The following WNK1 variants were observed in gnomAD, a reference collection of about 807,000 sequenced individuals.
WNK1 encodes the protein WNK lysine deficient protein kinase 1, also known as serine/threonine-protein kinase WNK1.
In WNK1, 38 loss-of-function variants were observed where a neutral mutation model predicts 222.8. The ratio of observed to expected loss-of-function variants is 0.17; its 90% CI spans 0.13 to 0.22. The LOEUF (loss-of-function observed/expected upper bound fraction) is 0.22. Among genes scored for constraint, WNK1 ranks in the 10% least tolerant of loss-of-function variants. The probability of loss-of-function intolerance (pLI) is 1.00; values close to 1 mark genes in which losing one functional copy is unlikely to be tolerated. For missense variants in WNK1, 2,348 were observed against 2,918.4 expected, an observed-to-expected ratio of 0.80 and a Z score of 4.50; for synonymous variants, 1,090 against 1,092.9, an observed-to-expected ratio of 1.00 and a Z score of 0.05.
Position 844,463 on chromosome 12 carries a change from C to T in WNK1, c.1312-12698C>T, listed in dbSNP as rs115408791. Among the ~76,000 whole-genome samples the T allele has an allele frequency of 3.3e-3, 505 of 152,168 alleles. 3 individuals are homozygous for T. Among genetic ancestry groups the T allele is most frequent in the African/African-American group, 0.011 (471 of 41,518 alleles). ...GTTGTTGCTTTTTAAAAAGGAAAAC[C>T]GGTAAATCAAGCTGTAGAAAATGTG... On this transcript the variant is annotated intron_variant, in intron 4 of 27. Coordinates refer to ENST00000315939, the MANE Select transcript of WNK1 (RefSeq NM_018979.4).
intron 4 of WNK1, among the ~76,000 whole-genome samples, chr12:837,863 C>A (rs997469082): frequency 1.3e-5 from 2 of 152,294 alleles, no homozygotes; most frequent in East Asian, 1.9e-4. Flanking sequence ...GTAGCAATCA[C>A]TTTTCTATAC....
chr12:893,847 T>TAATAATAATAA (rs1555156464), intron 22 of WNK1, among the ~76,000 whole-genome samples: 2 of 150,054 alleles, frequency 1.3e-5, no homozygotes, highest in Admixed American at 6.7e-5. Flanking sequence ...ATAATAATAA[T>TAATAATAATAA]TCTGAGAACT....
chr12:857,970 A>C (rs979074297), intron 5 of WNK1, among the ~76,000 whole-genome samples: 17 of 152,254 alleles, frequency 1.1e-4, no homozygotes, highest in African/African-American at 3.9e-4. Context: ...TACCACTTGA[A>C]GAATGAGAGC....
rs758110645 is a variant in WNK1, at chr12:865,320, C to T, written c.2139+3050C>T. The T allele has an allele frequency of 7.2e-5, 110 of 1,536,100 alleles. No homozygotes were observed. Among genetic ancestry groups the T allele is most frequent in the Middle Eastern group, 1.7e-4 (1 of 5,990 alleles). On this transcript the variant is annotated intron_variant, in intron 8 of 27. Transcript: ENST00000315939. ...CCTGCCTATGCACTCTGCCTCTCAG[C>T]GCAAGCACCGACGCTCCAGCCTGCC...
At chr12:888,606 G>A (rs1953900569) in intron 20 of WNK1, among the ~76,000 whole-genome samples, 1 of 152,198 alleles carries the variant, frequency 6.6e-6, no homozygotes, top group Non-Finnish European at 1.5e-5. Flanking sequence ...TGGTTAACAG[G>A]ATGGAATACC....
intron 10 of WNK1, 104 bp from the exon 11 acceptor site, chr12:879,469 C>CTTTTTTTT: frequency 5.3e-6 from 3 of 564,210 alleles, no homozygotes; most frequent in Non-Finnish European, 2.6e-6. Flanking sequence ...TTTGTTTTTT[C>CTTTTTTTT]CTTCTTTTTG....
rs1948434966 is a variant in WNK1 at position 827,412 on chromosome 12, G to A, written c.1153+150G>A. On this transcript the variant is annotated intron_variant, in intron 3 of 27. Transcript: ENST00000315939. The surrounding 1 kb of genome is among the most constrained non-coding windows in gnomAD (Gnocchi z 4.6). ...TGATCCATTGTACTTATGAGATATA[G>A]GATTCTCTATATTTGTGCTTCTTGG... is the stretch of plus-strand genomic sequence containing the variant. The A allele has an allele frequency of 1.5e-6, 1 of 687,746 alleles. No homozygotes were observed. The highest frequency in any genetic ancestry group is 2.6e-6 in the Non-Finnish European group (1 of 387,184). The allele number at this position is 687,746 out of a possible 1,614,324, so 42.6% of individuals were successfully genotyped here. A position where few individuals can be genotyped will look rare whatever the true frequency, so the allele number is the denominator to read the frequency against.
Position 893,261 on chromosome 12 carries a change from A to G in WNK1, c.5510-1301A>G, listed in dbSNP as rs528295519. On this transcript the variant is annotated intron_variant, in intron 22 of 27. Coordinates refer to ENST00000315939, the MANE Select transcript of WNK1 (RefSeq NM_018979.4). Reference sequence around the variant, plus strand: ...GACAGAGTGAGACCCTGTCTCAGGGAAAAAAGAAAAGAAATTCTGAATAAT... The same window carrying G: ...GACAGAGTGAGACCCTGTCTCAGGGGAAAAAGAAAAGAAATTCTGAATAAT... Among the ~76,000 whole-genome samples the G allele has an allele frequency of 1.4e-4, 21 of 152,248 alleles. No homozygotes were observed. The South Asian group carries it at 4.4e-3, about 32-fold the overall frequency.
At chr12:776,684 C>T (rs1943142779) in intron 1 of WNK1, among the ~76,000 whole-genome samples, 1 of 152,010 alleles carries the variant, frequency 6.6e-6, no homozygotes, top group Admixed American at 6.6e-5. Flanking sequence ...CCCGCCTTGG[C>T]CTCCCAAAGC....
At position 887,292 on chromosome 12, in the gene WNK1, T is replaced by C; in HGVS notation, c.5352T>C (p.Pro1784=). ...AGCAGCTGCCACCTTTTCCAGGACC[T>C]TCTCTAACCCAGGTGCCTCAAGACT... is the stretch of plus-strand genomic sequence containing the variant. ...PSEQLPPFPG[P]SLTQSQQPLE... Residue 1784 remains proline, a synonymous_variant, in exon 20 of 28, where the codon CCT becomes CCC. Coordinates refer to ENST00000315939, the MANE Select transcript of WNK1 (RefSeq NM_018979.4). 1 of 1,614,216 alleles carries C rather than the reference T, an allele frequency of 6.2e-7. No individual in the cohort carries two copies. The highest frequency in any genetic ancestry group is 8.5e-7 in the Non-Finnish European group (1 of 1,180,016).
At chr12:792,308 C>CTT (rs35838951) in intron 1 of WNK1, among the ~76,000 whole-genome samples, 366 of 89,012 alleles carry the variant, frequency 4.1e-3, no homozygotes, top group Middle Eastern at 7.0e-3. Flanking sequence ...TACTGTTATT[C>CTT]TTTTTTTTTT....
chr12:772,405 GT>G (rs1942621413), intron 1 of WNK1, among the ~76,000 whole-genome samples: 2 of 68,668 alleles, frequency 2.9e-5, no homozygotes, highest in African/African-American at 9.0e-5. Flanking sequence ...CATAATTGGG[GT>G]GTGTGTGTGT....
At chr12:904,324 C>G in intron 26 of WNK1, 2 of 573,076 alleles carry the variant, frequency 3.5e-6, no homozygotes, top group South Asian at 3.1e-5. Context: ...CAAGGGCTAC[C>G]AGGTCCTACC....
rs34032084 is a variant in WNK1 at position 883,063 on chromosome 12, C to T, written c.3489+4C>T. The stretch of plus-strand genomic sequence containing the variant: ...CGAGGAGATAGCAACAATTATGGTA[C>T]GTCTGCATTTGGAGTTCTAGGTTTT... On this transcript the variant is annotated splice_donor_region_variant and intron_variant, in intron 15 of 27. Coordinates refer to ENST00000315939, the MANE Select transcript of WNK1 (RefSeq NM_018979.4). The T allele has an allele frequency of 0.13, 208,362 of 1,583,204 alleles. 14,580 individuals are homozygous for T. Among genetic ancestry groups the T allele is most frequent in the South Asian group, 0.17 (15,652 of 90,474 alleles).
rs770566791 is a variant in WNK1, at chr12:887,252, G to T, written c.5312G>T (p.Gly1771Val). 2.0e-5 allele frequency: 33 copies of T among 1,614,032 alleles called. No individual in the cohort carries two copies. The Admixed American group carries it at 5.5e-4, about 27-fold the overall frequency. Reference protein sequence around the residue: ...VLPVGTELPAGTLPSEQLPPF... With the variant: ...VLPVGTELPAVTLPSEQLPPF... ...CCAGTGGGTACTGAACTTCCAGCAGGTACTCTACCCAGCGAGCAGCTGCCA... is the reference window on the plus strand; with the variant it reads ...CCAGTGGGTACTGAACTTCCAGCAGTTACTCTACCCAGCGAGCAGCTGCCA... The change falls in exon 20 of 28, where the codon GGT becomes GTT. Residue 1771 changes from glycine to valine, a missense_variant. Physicochemically the swap from Gly to Val is moderately radical, Grantham distance 109. This residue lies in a region of WNK1 where 1,144 missense variants were observed against 1,273.6 expected (regional missense o/e 0.90). Coordinates refer to ENST00000315939, the MANE Select transcript of WNK1 (RefSeq NM_018979.4).
chr12:815,637 T>C (rs1947282751), intron 2 of WNK1, among the ~76,000 whole-genome samples: 1 of 152,202 alleles, frequency 6.6e-6, no homozygotes, highest in South Asian at 2.1e-4. Flanking sequence ...TGTCTAATAC[T>C]GAATAATAAG....
chr12:899,280 G>T (rs1430502573), intron 25 of WNK1, among the ~76,000 whole-genome samples: 3 of 145,318 alleles, frequency 2.1e-5, no homozygotes, highest in Non-Finnish European at 4.5e-5. Context: ...GCTAATTTCT[G>T]ATCTGATCCC....
At chr12:782,151 A>G (rs1053981149) in intron 1 of WNK1, among the ~76,000 whole-genome samples, 6 of 152,210 alleles carry the variant, frequency 3.9e-5, no homozygotes, top group African/African-American at 1.4e-4. Flanking sequence ...GACTTTGGAA[A>G]GTAACTTCTG....
chr12:776,259 T>C (rs555610376), intron 1 of WNK1, among the ~76,000 whole-genome samples: 4 of 152,172 alleles, frequency 2.6e-5, no homozygotes, highest in African/African-American at 9.6e-5. Flanking sequence ...GGTCTCCAAC[T>C]CTTGGCCACA....
Sources: gnomAD v4.1 joint callset for allele counts (sites outside exome capture counted in the v4.1 genomes callset) on GRCh38, gnomAD v4.1.1 for gene constraint, gnomAD v4.1.1 regional missense constraint, Gnocchi (gnomAD v3.1) non-coding constraint, MANE v1.5 for transcripts, NCBI Gene and HGNC (gene_info 2026-07-23, HGNC 2026-07-21) for gene names.